The following MVP variants were observed in gnomAD, a reference collection of about 807,000 sequenced individuals.
MVP encodes the protein major vault protein, also known as lung resistance-related protein.
A neutral mutation model predicts 83.5 loss-of-function variants in MVP; 62 were observed. The observed-to-expected ratio is 0.74, with a 90% CI of 0.61 to 0.92. MVP has a LOEUF of 0.92. Among genes scored for constraint, MVP ranks in the 40% least tolerant of loss-of-function variants. The pLI is 0.00. For synonymous variants in MVP, 505 were observed against 504.1 expected (o/e 1.00, Z -0.02); for missense variants, 1,000 against 1,203.4 (o/e 0.83, Z 2.50).
At chr16:29,846,106 T>TGG in intron 12 of MVP, 52 bp from the exon 13 acceptor site, 1 of 1,600,430 alleles carries the variant, frequency 6.2e-7, no homozygotes, top group East Asian at 2.2e-5. Context: ...GCCAAGGCCG[T>TGG]GGGGGGACTG....
At chr16:29,828,930 C>T (rs1477782405) in intron 1 of MVP, among the ~76,000 whole-genome samples, 1 of 152,154 alleles carries the variant, frequency 6.6e-6, no homozygotes, top group African/African-American at 2.4e-5. Context: ...AGTATAACTC[C>T]TCTTGGGCTG....
In MVP at chr16:29,830,996, C is replaced by T. The variant is rs138803463; in HGVS notation, c.244C>T (p.Arg82Trp). The change falls in exon 3 of 15, where the codon CGG becomes TGG. Residue 82 changes from arginine (R) to tryptophan (W), a missense_variant. Coordinates refer to ENST00000357402, the MANE Select transcript of MVP (RefSeq NM_005115.5). The stretch of plus-strand genomic sequence containing the variant: ...GCTGTTTGATGTCACAGGGCAAGTT[C>T]GGCTTCGCCACGCTGACCTCGAGAT... ...LVLFDVTGQV[R>W]LRHADLEIRL... is the part of the protein sequence containing the mutation. 1.9e-6 allele frequency: 3 copies of T among 1,613,958 alleles called. No individual in the cohort carries two copies. The highest frequency in any genetic ancestry group is 1.3e-5 in the African/African-American group (1 of 74,980).
chr16:29,844,462 GC>G lies in MVP; in HGVS notation c.1635-30del. On this transcript the variant is annotated intron_variant, in intron 10 of 14. Coordinates refer to ENST00000357402, the MANE Select transcript of MVP (RefSeq NM_005115.5). Reference sequence around the variant, plus strand: ...AAAGAGAGATTCCTGGGTGAAAGCAGCTTCCCCATTCTGGGCCTGTTTGTTC... The same window carrying G: ...AAAGAGAGATTCCTGGGTGAAAGCAGTTCCCCATTCTGGGCCTGTTTGTTC... 2.6e-6 allele frequency: 4 copies of G among 1,518,886 alleles called. No individual in the cohort carries two copies. In the South Asian group the frequency reaches 5.4e-5, roughly 20 times the overall value. 94.1% of individuals were successfully genotyped at this position (1,518,886 alleles called of 1,614,324 possible).
At chr16:29,842,934 G>C (rs1335050207) in intron 10 of MVP, among the ~76,000 whole-genome samples, 1 of 152,236 alleles carries the variant, frequency 6.6e-6, no homozygotes, top group African/African-American at 2.4e-5. Context: ...CAGCTGGCGG[G>C]AGTGGGCAGT....
chr16:29,845,027 T>A, intron 11 of MVP, 148 bp downstream of exon 11: 1 of 1,155,860 alleles, frequency 8.7e-7, no homozygotes, highest in Non-Finnish European at 1.2e-6. Flanking sequence ...GTGACCCACT[T>A]AAAATGTGAA....
In MVP at chr16:29,831,005, C is replaced by G; in HGVS notation, c.253C>G (p.His85Asp). The G allele has an allele frequency of 6.2e-7, 1 of 1,613,974 alleles. No homozygotes were observed. The highest frequency in any genetic ancestry group is 8.5e-7 in the Non-Finnish European group (1 of 1,179,996). Residue 85 changes from histidine to aspartate, a missense_variant, in exon 3 of 15, where the codon CAC becomes GAC. Physicochemically the swap from His to Asp is moderately conservative, Grantham distance 81. Transcript: ENST00000357402. ...FDVTGQVRLR[H>D]ADLEIRLAQD... ...TGTCACAGGGCAAGTTCGGCTTCGC[C>G]ACGCTGACCTCGAGATCCGGCTGGC...
chr16:29,847,752 C>T lies in MVP; in HGVS notation c.2455-10C>T, dbSNP rs372727553. 1.9e-6 allele frequency: 3 copies of T among 1,613,102 alleles called. No homozygotes were observed. The highest frequency in any genetic ancestry group is 1.3e-5 in the African/African-American group (1 of 75,048). ...GCCCATCTCAACTTCCTCCTGTTCTCACCCTCCAGGTAAAACTGCTCCAGT... is the reference window on the plus strand; with the variant it reads ...GCCCATCTCAACTTCCTCCTGTTCTTACCCTCCAGGTAAAACTGCTCCAGT... On this transcript the variant is annotated splice_polypyrimidine_tract_variant and intron_variant, in intron 14 of 14. Transcript: ENST00000357402.
intron 1 of MVP, among the ~76,000 whole-genome samples, chr16:29,828,931 T>C (rs925602429): frequency 6.6e-6 from 1 of 152,146 alleles, no homozygotes; most frequent in African/African-American, 2.4e-5. Flanking sequence ...GTATAACTCC[T>C]CTTGGGCTGT....
intron 1 of MVP, chr16:29,821,340 C>T (rs2067358050): frequency 6.6e-6 from 1 of 152,242 alleles, no homozygotes; most frequent in Non-Finnish European, 1.5e-5. Context: ...TGGGTCGGCC[C>T]TCGGGTGTGG....
intron 7 of MVP, among the ~76,000 whole-genome samples, chr16:29,838,461 C>G (rs924655731): frequency 2.0e-5 from 3 of 151,632 alleles, no homozygotes; most frequent in South Asian, 2.1e-4. Flanking sequence ...AGAAATAACC[C>G]AAATGTACAT....
intron 13 of MVP, 73 bp downstream of exon 13, chr16:29,846,357 G>A (rs572134922): frequency 2.1e-6 from 3 of 1,461,092 alleles, no homozygotes; most frequent in South Asian, 2.8e-5. Flanking sequence ...CAGTCCCTGA[G>A]ACTGTATAGG....
rs754616199 is a variant in MVP, at chr16:29,841,998, G to A, written c.1520G>A (p.Arg507His). The A allele has an allele frequency of 1.3e-5, 21 of 1,612,120 alleles. No individual in the cohort carries two copies. The highest frequency in any genetic ancestry group is 3.3e-4 in the Middle Eastern group (2 of 6,082). ...TCCCTCTCAGCTGGGCGGCCCAAGC[G>A]TCCCCATGCCCGCCGTGCGCTCTGC... ...VLSLSAGRPKRPHARRALCLL... is the reference protein window; with the variant it reads ...VLSLSAGRPKHPHARRALCLL... The change falls in exon 10 of 15, where the codon CGT becomes CAT. Residue 507 changes from arginine (R) to histidine (H), a missense_variant. By Grantham distance (29) the Arg-to-His change is conservative (BLOSUM62 0). Transcript: ENST00000357402. The surrounding 1 kb of genome is among the most constrained non-coding windows in gnomAD (Gnocchi z 4.7).
intron 7 of MVP, among the ~76,000 whole-genome samples, chr16:29,838,289 A>G (rs1320263245): frequency 6.6e-6 from 1 of 152,078 alleles, no homozygotes; most frequent in African/African-American, 2.4e-5. Flanking sequence ...CAAAAAAATT[A>G]GCTGGGCATG....
intron 5 of MVP, 191 bp downstream of exon 5, chr16:29,834,257 G>A: frequency 2.7e-6 from 2 of 745,592 alleles, no homozygotes; most frequent in Non-Finnish European, 4.2e-6. Context: ...CACTTGGGCT[G>A]GAAAATGTGA....
At chr16:29,823,150 C>CCT (rs2067377874) in intron 1 of MVP, among the ~76,000 whole-genome samples, 1 of 104,878 alleles carries the variant, frequency 9.5e-6, no homozygotes. Context: ...TTTGAGATGG[C>CCT]CTCACTCTTG....
rs1489465906 is a variant in MVP, at chr16:29,840,441, G to A, written c.1173G>A (p.Gln391=). 1 of 1,573,570 alleles carries A rather than the reference G, an allele frequency of 6.4e-7. No individual in the cohort carries two copies. The highest frequency in any genetic ancestry group is 2.3e-5 in the East Asian group (1 of 43,580). The change falls in exon 8 of 15, where the codon CAG becomes CAA. Residue 391 remains glutamine (Q), a synonymous_variant. Transcript: ENST00000357402. ...ACGAGAACGAGGGCATCTATGTGCA[G>A]GATGTCAAGACCGGAAAGGTAATGG... ...PLDENEGIYV[Q]DVKTGKVRAV...
rs753120762 is a variant in MVP at position 29,833,987 on chromosome 16, C to T, written c.498C>T (p.Thr166=). The stretch of plus-strand genomic sequence containing the variant: ...AGGTCGTGGAGATCATTCAGGCCAC[C>T]ATCATCAGGCAGAACCAGGCTCTGC... ...EVEVVEIIQA[T]IIRQNQALRL... The change falls in exon 5 of 15, where the codon ACC becomes ACT. Residue 166 remains threonine (T), a synonymous_variant. Coordinates refer to ENST00000357402, the MANE Select transcript of MVP (RefSeq NM_005115.5). The T allele has an allele frequency of 8.1e-6, 13 of 1,614,096 alleles. No individual in the cohort carries two copies. The highest frequency in any genetic ancestry group is 6.7e-5 in the East Asian group (3 of 44,882).
At chr16:29,831,701 G>A (rs2067443662) in intron 3 of MVP, 1 of 455,982 alleles carries the variant, frequency 2.2e-6, no homozygotes, top group Admixed American at 2.3e-5. Flanking sequence ...ATGTGCCAAG[G>A]TTAAGCAGTT....
Position 29,835,798 on chromosome 16 carries a change from G to A in MVP, c.672G>A (p.Lys224=). Residue 224 remains lysine, a splice_region_variant and synonymous_variant, in exon 6 of 15, where the codon AAG becomes AAA. Transcript: ENST00000357402. ...TGGACGCCGTCATCCTTACGGAAAA[G>A]GTTGGTGCTCTGGGGGCTGTGGTTT... The part of the protein sequence containing the change: ...DLVDAVILTE[K]TALHLRARRN... 1.2e-6 allele frequency: 2 copies of A among 1,613,466 alleles called. No individual in the cohort carries two copies. The highest frequency in any genetic ancestry group is 1.7e-6 in the Non-Finnish European group (2 of 1,179,822).
Sources: allele counts gnomAD v4.1 joint callset (sites outside exome capture counted in the v4.1 genomes callset), GRCh38; gene constraint gnomAD v4.1.1; non-coding constraint Gnocchi (gnomAD v3.1); transcripts MANE v1.5; gene names NCBI Gene and HGNC (gene_info 2026-07-23, HGNC 2026-07-21).